Variants in DLG2 observed in about 807,000 individuals in gnomAD.
DLG2 encodes the protein discs large MAGUK scaffold protein 2, also known as disks large homolog 2.
DLG2 carries 45 observed loss-of-function variants against 132.5 expected under a neutral mutation model. The ratio of observed to expected loss-of-function variants is 0.34; its 90% CI spans 0.27 to 0.44. The LOEUF (loss-of-function observed/expected upper bound fraction) is 0.44. Among genes scored for constraint, DLG2 ranks in the 20% least tolerant of loss-of-function variants. The probability of loss-of-function intolerance (pLI) is 1.00; values close to 1 mark genes in which losing one functional copy is unlikely to be tolerated. For missense variants in DLG2, 1,045 were observed against 1,196.9 expected, an observed-to-expected ratio of 0.87 and a Z score of 1.87; for synonymous variants, 424 against 419.6, an observed-to-expected ratio of 1.01 and a Z score of -0.13.
intron 8 of DLG2, among the ~76,000 whole-genome samples, chr11:84,201,771 C>T (rs748227648): frequency 3.4e-5 from 5 of 147,528 alleles, no homozygotes; most frequent in African/African-American, 5.0e-5. Flanking sequence ...ATTAAGCTAC[C>T]ATTGACATTC....
chr11:83,796,612 T>C (rs1433575012), intron 17 of DLG2, among the ~76,000 whole-genome samples: 1 of 152,190 alleles, frequency 6.6e-6, no homozygotes, highest in Non-Finnish European at 1.5e-5. Flanking sequence ...CTTGATATAA[T>C]GTAATATCTC....
intron 11 of DLG2, among the ~76,000 whole-genome samples, chr11:84,003,727 A>G (rs972395150): frequency 9.9e-5 from 15 of 152,132 alleles, no homozygotes; most frequent in Non-Finnish European, 1.9e-4. Context: ...TATGGATTAT[A>G]ATTAAATATG....
At chr11:85,084,558 T>C (rs1201883973) in intron 6 of DLG2, among the ~76,000 whole-genome samples, 1 of 151,750 alleles carries the variant, frequency 6.6e-6, no homozygotes, top group Non-Finnish European at 1.5e-5. Flanking sequence ...GTCCCCCTGA[T>C]ATGAGTAGTA....
chr11:84,839,231 T>C (rs1005278975), intron 6 of DLG2, among the ~76,000 whole-genome samples: 2 of 151,968 alleles, frequency 1.3e-5, no homozygotes, highest in African/African-American at 2.4e-5. Flanking sequence ...CATGAGTGAA[T>C]TCCCATTCAC....
chr11:83,604,489 T>C (rs936945836), intron 19 of DLG2, among the ~76,000 whole-genome samples: 1 of 152,220 alleles, frequency 6.6e-6, no homozygotes, highest in African/African-American at 2.4e-5. Context: ...CAAGTGTTTC[T>C]GGGAGCTGAA....
intron 3 of DLG2, among the ~76,000 whole-genome samples, chr11:85,447,564 A>G (rs2092066049): frequency 1.3e-5 from 2 of 152,174 alleles, no homozygotes; most frequent in South Asian, 2.1e-4. Flanking sequence ...ACCATTGCCA[A>G]CCACCTTGAT....
intron 18 of DLG2, chr11:83,647,163 A>G (rs894305048): frequency 6.6e-6 from 1 of 150,754 alleles, no homozygotes; most frequent in Non-Finnish European, 1.5e-5. Context: ...GGACCTATAA[A>G]TCTCTATGCC....
chr11:84,891,615 T>C (rs12295920), intron 6 of DLG2, among the ~76,000 whole-genome samples: 15,266 of 152,158 alleles, frequency 0.1, 1,026 homozygotes, highest in African/African-American at 0.19. Flanking sequence ...TAAAAATATA[T>C]AGTATTGGCA....
intron 6 of DLG2, among the ~76,000 whole-genome samples, chr11:84,665,955 C>T (rs1256223132): frequency 6.6e-6 from 1 of 152,122 alleles, no homozygotes; most frequent in Non-Finnish European, 1.5e-5. Flanking sequence ...ACATTATAAA[C>T]TATAAAATAG....
At chr11:83,788,471 G>A (rs1218364222) in intron 17 of DLG2, among the ~76,000 whole-genome samples, 4 of 152,192 alleles carry the variant, frequency 2.6e-5, no homozygotes, top group African/African-American at 4.8e-5. Context: ...CTCCCTCGGA[G>A]GGAAGAGACT....
At chr11:83,597,778 C>T (rs1367164134) in intron 19 of DLG2, among the ~76,000 whole-genome samples, 1 of 145,328 alleles carries the variant, frequency 6.9e-6, no homozygotes, top group East Asian at 2.0e-4. Context: ...GAGTGAGCTC[C>T]CTGTCTCAAA....
intron 17 of DLG2, among the ~76,000 whole-genome samples, chr11:83,796,382 C>T (rs997218450): frequency 2.0e-5 from 3 of 152,192 alleles, no homozygotes; most frequent in Non-Finnish European, 2.9e-5. Context: ...CCTCTGATGG[C>T]TCACAAAACA....
intron 18 of DLG2, chr11:83,643,680 A>G (rs2067254635): frequency 6.6e-6 from 1 of 152,274 alleles, no homozygotes; most frequent in South Asian, 2.1e-4. Context: ...CTTCAGCAGC[A>G]GCATGAAAAC....
chr11:84,354,340 T>A (rs1020360166), intron 7 of DLG2, among the ~76,000 whole-genome samples: 6 of 152,166 alleles, frequency 3.9e-5, no homozygotes, highest in African/African-American at 1.2e-4. Flanking sequence ...TTACATATAA[T>A]GTTTTAGCAA....
chr11:83,840,520 T>C (rs1294048400), intron 16 of DLG2, among the ~76,000 whole-genome samples: 1 of 152,134 alleles, frequency 6.6e-6, no homozygotes, highest in Non-Finnish European at 1.5e-5. Flanking sequence ...GAAGGAAATA[T>C]AGCAAACTGG....
chr11:84,236,455 G>C (rs1425216566), intron 8 of DLG2, among the ~76,000 whole-genome samples: 1 of 152,176 alleles, frequency 6.6e-6, no homozygotes, highest in East Asian at 1.9e-4. Context: ...CTGTAGTTTG[G>C]CTTGCAAATT....
At chr11:84,825,332 C>G (rs948288000) in intron 6 of DLG2, among the ~76,000 whole-genome samples, 1 of 151,834 alleles carries the variant, frequency 6.6e-6, no homozygotes, top group African/African-American at 2.4e-5. Flanking sequence ...ATTCCTAAGG[C>G]CCGAGCTGAC....
rs2079931842 is a variant in DLG2 at position 83,930,410 on chromosome 11, C to A, written c.1414G>T (p.Val472Phe). ...KPASPRHYSP[V>F]ECDKSFLLSA... ...AGGAGGAAGCTTTTGTCACACTCAA[C>A]AGGGGAATAGTGCCTGGGAGAAGCA... Residue 472 changes from valine (V) to phenylalanine (F), a missense_variant, in exon 15 of 28, where the codon GTT (valine) becomes TTT (phenylalanine). Physicochemically the swap from Val to Phe is conservative, Grantham distance 50 (BLOSUM62 -1). Transcript: ENST00000376104. 6.2e-7 allele frequency: 1 copy of A among 1,613,938 alleles called. No homozygotes were observed. Among genetic ancestry groups the A allele is most frequent in the African/African-American group, 1.3e-5 (1 of 74,894 alleles).
intron 6 of DLG2, among the ~76,000 whole-genome samples, chr11:84,656,810 G>A (rs1197002459): frequency 6.6e-6 from 1 of 151,980 alleles, no homozygotes; most frequent in East Asian, 1.9e-4. Context: ...AATAGGGAGT[G>A]GAAAAAAATG....
Sources: gnomAD v4.1 joint callset for allele counts (sites outside exome capture counted in the v4.1 genomes callset) on GRCh38, gnomAD v4.1.1 for gene constraint, MANE v1.5 for transcripts, NCBI Gene and HGNC (gene_info 2026-07-23, HGNC 2026-07-21) for gene names.